Variants in PRKN observed in about 807,000 individuals in gnomAD.
PRKN encodes parkin RBR E3 ubiquitin protein ligase.
In PRKN, 56 loss-of-function variants were observed where a neutral mutation model predicts 59.5. That is an observed-to-expected ratio of 0.94 (90% CI 0.76 to 1.18). The LOEUF (loss-of-function observed/expected upper bound fraction) is 1.18, where lower values mean the gene tolerates loss of function less well. PRKN is among the 50% of genes most tolerant of loss of function. The pLI, the probability that PRKN is intolerant of heterozygous loss-of-function variation, is 0.00. For synonymous variants in PRKN, 250 were observed against 222.1 expected, an observed-to-expected ratio of 1.13 and a Z score of -1.12; for missense variants, 657 against 596.4, an observed-to-expected ratio of 1.10 and a Z score of -1.06.
At chr6:162,603,013 C>G (rs1342237646) in intron 1 of PRKN, among the ~76,000 whole-genome samples, 1 of 152,124 alleles carries the variant, frequency 6.6e-6, no homozygotes, top group Non-Finnish European at 1.5e-5. Context: ...ACTCCCAAAC[C>G]CCAGAAGCTC....
At chr6:162,494,311 C>T (rs942485181) in intron 1 of PRKN, among the ~76,000 whole-genome samples, 4 of 152,180 alleles carry the variant, frequency 2.6e-5, no homozygotes, top group African/African-American at 4.8e-5. Context: ...TCCTCAACAT[C>T]TCTGACCCAG....
intron 2 of PRKN, among the ~76,000 whole-genome samples, chr6:162,282,422 T>C (rs1351182471): frequency 1.3e-5 from 2 of 152,090 alleles, no homozygotes; most frequent in African/African-American, 2.4e-5. Context: ...TTAGAAAGTA[T>C]ACAAATAAAA....
intron 1 of PRKN, among the ~76,000 whole-genome samples, chr6:162,561,883 A>G (rs184313489): frequency 1.2e-4 from 18 of 152,268 alleles, no homozygotes; most frequent in Admixed American, 1.1e-3. Context: ...AACTATTAGG[A>G]AAGTCCTAGT....
intron 3 of PRKN, among the ~76,000 whole-genome samples, chr6:162,225,964 G>A (rs1778157838): frequency 6.8e-6 from 1 of 146,564 alleles, no homozygotes; most frequent in African/African-American, 2.5e-5. Flanking sequence ...AAACATATAT[G>A]TTTAGGAAAC....
intron 1 of PRKN, among the ~76,000 whole-genome samples, chr6:162,506,771 C>T (rs2023001): frequency 0.31 from 46,990 of 151,940 alleles, 7,838 homozygotes; most frequent in Middle Eastern, 0.38. Flanking sequence ...GAGCAAATAG[C>T]TCCATCCAGC....
intron 2 of PRKN, among the ~76,000 whole-genome samples, chr6:162,376,316 GA>G (rs1272889472): frequency 1.3e-5 from 2 of 152,018 alleles, no homozygotes; most frequent in Non-Finnish European, 2.9e-5. Context: ...ATACTCAGAA[GA>G]AGAAAAAAGA....
intron 7 of PRKN, among the ~76,000 whole-genome samples, chr6:161,742,162 A>G (rs1047336452): frequency 6.6e-6 from 1 of 151,612 alleles, no homozygotes; most frequent in African/African-American, 2.4e-5. Flanking sequence ...TAGAGACGGG[A>G]TTTTACCATG....
chr6:161,606,445 A>G (rs1464859682), intron 7 of PRKN, among the ~76,000 whole-genome samples: 2 of 152,220 alleles, frequency 1.3e-5, no homozygotes, highest in Admixed American at 1.3e-4. Flanking sequence ...AAGAAAAACA[A>G]GTGTTCCAGT....
intron 5 of PRKN, among the ~76,000 whole-genome samples, chr6:161,996,629 A>G (rs1029897087): frequency 6.6e-6 from 1 of 151,970 alleles, no homozygotes; most frequent in African/African-American, 2.4e-5. Context: ...AGAATAGCAG[A>G]CTCTCTATTT....
At chr6:162,177,195 C>T (rs1254826963) in intron 4 of PRKN, among the ~76,000 whole-genome samples, 2 of 151,798 alleles carry the variant, frequency 1.3e-5, no homozygotes, top group African/African-American at 4.8e-5. Flanking sequence ...GCCATTGCAG[C>T]AGAGCATAGA....
chr6:162,600,229 C>A (rs528928649), intron 1 of PRKN, among the ~76,000 whole-genome samples: 1 of 152,084 alleles, frequency 6.6e-6, no homozygotes, highest in East Asian at 1.9e-4. Context: ...CATGCCATCA[C>A]GTGGTATACT....
rs756738207 is a variant in PRKN, at chr6:161,349,694, A to G, written c.*405T>C. 1.8e-4 allele frequency: 61 copies of G among 347,478 alleles called. No individual in the cohort carries two copies. Among genetic ancestry groups the G allele is most frequent in the Non-Finnish European group, 3.0e-4 (55 of 186,418 alleles). The allele number at this position is 347,478 out of a possible 1,614,324, so 21.5% of individuals were successfully genotyped here. A position where few individuals can be genotyped will look rare whatever the true frequency, so the allele number is the denominator to read the frequency against. ...AAAAGGCAGGATATTAAATGTGAGA[A>G]CTCTCTCTCCAGCTACTGATTCTGC... On this transcript the variant is annotated 3_prime_UTR_variant, in exon 12 of 12. Transcript: ENST00000366898. This position sits in a 1 kb window ranked among gnomAD's most constrained non-coding sequence, Gnocchi z 5.5.
At chr6:161,675,888 AG>A (rs1186230290) in intron 7 of PRKN, among the ~76,000 whole-genome samples, 2 of 152,246 alleles carry the variant, frequency 1.3e-5, no homozygotes, top group Non-Finnish European at 2.9e-5. Flanking sequence ...TAGCCATAAA[AG>A]TAAATTTGAA....
chr6:161,977,016 C>T (rs546840759), intron 5 of PRKN, among the ~76,000 whole-genome samples: 1 of 152,300 alleles, frequency 6.6e-6, no homozygotes, highest in East Asian at 1.9e-4. Flanking sequence ...GTTGATAAAA[C>T]TAAAACTCAC....
At chr6:162,052,654 T>C (rs1777689583) in intron 5 of PRKN, among the ~76,000 whole-genome samples, 1 of 152,200 alleles carries the variant, frequency 6.6e-6, no homozygotes. Context: ...CAGGACTTTC[T>C]GTGCCGCACA....
chr6:162,089,403 C>T (rs571925043), intron 4 of PRKN, among the ~76,000 whole-genome samples: 27 of 152,198 alleles, frequency 1.8e-4, no homozygotes, highest in East Asian at 7.7e-4. Context: ...AAAAGAATAA[C>T]GGGTGCTGTC....
At position 161,462,653 on chromosome 6, in the gene PRKN, AAT is replaced by A. The variant is rs1407923964; in HGVS notation, c.1084-75778_1084-75777del. Among the ~76,000 whole-genome samples the A allele has an allele frequency of 6.6e-6, 1 of 152,186 alleles. No individual in the cohort carries two copies. Among genetic ancestry groups the A allele is most frequent in the African/African-American group, 2.4e-5 (1 of 41,458 alleles). ...GATCATATTAAAAAAATCAAAATTT[AAT>A]ATGTCATTAACAGAGGTTAACTTGC... On this transcript the variant is annotated intron_variant, in intron 9 of 11. Coordinates refer to ENST00000366898, the MANE Select transcript of PRKN (RefSeq NM_004562.3). This position sits in a 1 kb window ranked among gnomAD's most constrained non-coding sequence, Gnocchi z 4.5.
chr6:161,781,058 A>G (rs1352621123), intron 7 of PRKN, among the ~76,000 whole-genome samples: 1 of 152,228 alleles, frequency 6.6e-6, no homozygotes, highest in Non-Finnish European at 1.5e-5. Flanking sequence ...AGAAACAGGG[A>G]TGGAACCGAA....
chr6:162,240,656 T>G (rs1051301621), intron 3 of PRKN, among the ~76,000 whole-genome samples: 1 of 152,164 alleles, frequency 6.6e-6, no homozygotes, highest in African/African-American at 2.4e-5. Flanking sequence ...ACCTCCTTAT[T>G]CACAGCAAGG....
Sources: allele counts gnomAD v4.1 joint callset (sites outside exome capture counted in the v4.1 genomes callset), GRCh38; gene constraint gnomAD v4.1.1; non-coding constraint Gnocchi (gnomAD v3.1); transcripts MANE v1.5; gene names NCBI Gene and HGNC (gene_info 2026-07-23, HGNC 2026-07-21).